CDH18: variants seen among roughly 807,000 people sequenced by gnomAD.
The protein encoded by CDH18 is cadherin-18.
In CDH18, 31 loss-of-function variants were observed where a neutral mutation model predicts 67.9. That is an observed-to-expected ratio of 0.46 (90% CI 0.34 to 0.62). The LOEUF (loss-of-function observed/expected upper bound fraction) is 0.62, where lower values mean the gene tolerates loss of function less well. CDH18 is among the 20% of genes least tolerant of loss of function. CDH18 has a pLI of 0.01. For missense variants in CDH18, 890 were observed against 975.5 expected, an observed-to-expected ratio of 0.91 and a Z score of 1.17; for synonymous variants, 362 against 347.2, an observed-to-expected ratio of 1.04 and a Z score of -0.48.
intron 1 of CDH18, among the ~76,000 whole-genome samples, chr5:20,287,649 C>T (rs933093323): frequency 2.0e-5 from 3 of 151,870 alleles, no homozygotes; most frequent in South Asian, 2.1e-4. Flanking sequence ...TACACACATA[C>T]ATTGAATCAT....
intron 1 of CDH18, among the ~76,000 whole-genome samples, chr5:20,380,194 G>C (rs1445878433): frequency 1.3e-5 from 2 of 152,082 alleles, no homozygotes; most frequent in Admixed American, 6.6e-5. Context: ...AATTGTGTTA[G>C]AAATTCATCT....
intron 2 of CDH18, among the ~76,000 whole-genome samples, chr5:19,994,774 G>GATGT (rs1561696211): frequency 5.3e-5 from 5 of 94,414 alleles, no homozygotes; most frequent in East Asian, 3.3e-4. Context: ...GAGAGAGAGA[G>GATGT]AGAGAGAGAG....
intron 8 of CDH18, among the ~76,000 whole-genome samples, chr5:19,569,070 A>G (rs978365754): frequency 6.6e-6 from 1 of 152,140 alleles, no homozygotes; most frequent in Non-Finnish European, 1.5e-5. Context: ...GTTTATTTTG[A>G]AATGCAAATT....
At chr5:19,666,780 T>C (rs1291186073) in intron 5 of CDH18, among the ~76,000 whole-genome samples, 1 of 152,056 alleles carries the variant, frequency 6.6e-6, no homozygotes, top group Non-Finnish European at 1.5e-5. Context: ...AGGGAAGAGA[T>C]TCAAGAAGTG....
intron 5 of CDH18, among the ~76,000 whole-genome samples, chr5:19,673,085 G>A (rs1204241627): frequency 6.6e-6 from 1 of 151,984 alleles, no homozygotes; most frequent in Non-Finnish European, 1.5e-5. Context: ...TGTGACATTA[G>A]TGAATTACTT....
chr5:19,641,632 A>G (rs1754010646), intron 5 of CDH18, among the ~76,000 whole-genome samples: 1 of 152,048 alleles, frequency 6.6e-6, no homozygotes, highest in Non-Finnish European at 1.5e-5. Flanking sequence ...GCATTTATTA[A>G]TCAGTAAAAT....
At chr5:19,886,556 T>G (rs919079936) in intron 2 of CDH18, among the ~76,000 whole-genome samples, 1 of 152,172 alleles carries the variant, frequency 6.6e-6, no homozygotes, top group Non-Finnish European at 1.5e-5. Flanking sequence ...TTTGCTGTGT[T>G]TCCTCGCAAT....
At chr5:20,204,274 G>A (rs1458568475) in intron 2 of CDH18, among the ~76,000 whole-genome samples, 2 of 151,604 alleles carry the variant, frequency 1.3e-5, no homozygotes, top group East Asian at 1.9e-4. Context: ...ATATAAAGGA[G>A]CTCCAATTCA....
Position 20,172,221 on chromosome 5 carries a change from T to TA in CDH18, c.-518+83222dup, listed in dbSNP as rs1338445626. Among the ~76,000 whole-genome samples the TA allele has an allele frequency of 6.0e-4, 47 of 78,332 alleles. 1 individual carries two copies. Among genetic ancestry groups the TA allele is most frequent in the African/African-American group, 2.5e-3 (45 of 17,934 alleles). 51.4% of individuals were successfully genotyped at this position (78,332 alleles called of 152,430 possible). A position where few individuals can be genotyped will look rare whatever the true frequency, so the allele number is the denominator to read the frequency against. On this transcript the variant is annotated intron_variant, in intron 2 of 14. Coordinates refer to the CDH18 transcript ENST00000507958. ...ATATATATATATATATATATATATA[T>TA]ATGTATATATATATATATGTATATA... is the stretch of plus-strand genomic sequence containing the variant.
Position 20,569,882 on chromosome 5 carries a change from A to AT in CDH18, c.-580+5579dup, listed in dbSNP as rs573140703. ...ATGAGCCCTCAAACCATAAAAAGAT[A>AT]TTGAAGCACTTTAAATGCATGTTGA... On this transcript the variant is annotated intron_variant, in intron 1 of 14. Transcript: ENST00000507958. 2.2e-3 allele frequency among the ~76,000 whole-genome samples: 331 copies of AT among 152,326 alleles called. 1 individual carries two copies. Among genetic ancestry groups the AT allele is most frequent in the African/African-American group, 7.5e-3 (312 of 41,564 alleles).
At chr5:20,462,774 A>T (rs751245459) in intron 1 of CDH18, among the ~76,000 whole-genome samples, 1 of 152,198 alleles carries the variant, frequency 6.6e-6, no homozygotes, top group Non-Finnish European at 1.5e-5. Flanking sequence ...CACAGATAAG[A>T]AATCTGAGAT....
At chr5:20,268,993 T>A (rs1479358572) in intron 1 of CDH18, among the ~76,000 whole-genome samples, 1 of 151,876 alleles carries the variant, frequency 6.6e-6, no homozygotes, top group African/African-American at 2.4e-5. Flanking sequence ...GGGATTAATA[T>A]CCACAATATA....
At position 20,463,099 on chromosome 5, in the gene CDH18, C is replaced by G. The variant is rs191300502; in HGVS notation, c.-580+112363G>C. ...CAGAAAATTCACTCATAATTGAATT[C>G]CATTCTGATTCGATCTTGTGCTTTT... On this transcript the variant is annotated intron_variant, in intron 1 of 14. Coordinates refer to the CDH18 transcript ENST00000507958. 1.7e-3 allele frequency among the ~76,000 whole-genome samples: 252 copies of G among 152,168 alleles called. 1 individual carries two copies. Among genetic ancestry groups the G allele is most frequent in the Non-Finnish European group, 2.5e-3 (173 of 68,000 alleles).
At chr5:20,305,241 T>C in intron 1 of CDH18, 1 of 1,375,884 alleles carries the variant, frequency 7.3e-7, no homozygotes, top group Non-Finnish European at 1.0e-6. Context: ...CAGGAAACCG[T>C]CCTCCTCCAG....
At position 20,338,958 on chromosome 5, in the gene CDH18, A is replaced by G. The variant is rs1000702907; in HGVS notation, c.-579-83453T>C. Among the ~76,000 whole-genome samples the G allele has an allele frequency of 2.6e-5, 4 of 152,076 alleles. No individual in the cohort carries two copies. The East Asian group carries it at 7.7e-4, about 29-fold the overall frequency. On this transcript the variant is annotated intron_variant, in intron 1 of 14. Transcript: ENST00000507958. ...GTGTGACTTCCCCTGTTGACTAGCT[A>G]CTCTGGATCCATAGGCAGTACTTAT...
At chr5:20,260,418 G>A (rs1744561403) in intron 1 of CDH18, among the ~76,000 whole-genome samples, 1 of 151,900 alleles carries the variant, frequency 6.6e-6, no homozygotes, top group Non-Finnish European at 1.5e-5. Flanking sequence ...TTACACTGAG[G>A]CCTCTTATAT....
rs1443309043 is a variant in CDH18 at position 19,827,354 on chromosome 5, T to C, written c.228+11405A>G. On this transcript the variant is annotated intron_variant, in intron 3 of 12. Transcript: ENST00000382275. Reference sequence around the variant, plus strand: ...AAAAAAAAAAAAAAACTTAAAATATTTGGGACCCAAACTTGACATTTGACC... The same window carrying C: ...AAAAAAAAAAAAAAACTTAAAATATCTGGGACCCAAACTTGACATTTGACC... Among the ~76,000 whole-genome samples the C allele has an allele frequency of 4.0e-5, 6 of 151,880 alleles. No individual in the cohort carries two copies. The East Asian group carries it at 1.2e-3, about 29-fold the overall frequency.
In CDH18 at chr5:20,124,577, C is replaced by G. The variant is rs370603084; in HGVS notation, c.-518+130867G>C. Among the ~76,000 whole-genome samples the G allele has an allele frequency of 6.3e-4, 96 of 152,264 alleles. No individual in the cohort carries two copies. In the South Asian group the frequency reaches 0.017, roughly 27 times the overall value. On this transcript the variant is annotated intron_variant, in intron 2 of 14. Transcript: ENST00000507958. The stretch of plus-strand genomic sequence containing the variant: ...CCCATACATTTTACTCTTTGTTAAG[C>G]TATGTTTGCATCCTCCTCCAACACT...
chr5:19,801,581 C>A lies in CDH18; in HGVS notation c.228+37178G>T, dbSNP rs116682425. 3.9e-3 allele frequency among the ~76,000 whole-genome samples: 593 copies of A among 152,284 alleles called. 1 individual carries two copies. Among genetic ancestry groups the A allele is most frequent in the African/African-American group, 0.014 (572 of 41,548 alleles). On this transcript the variant is annotated intron_variant, in intron 3 of 12. Coordinates refer to ENST00000382275, the MANE Select transcript of CDH18 (RefSeq NM_004934.5). ...TTTTTTAAAATCTCTTGATGTGATTCTATCATCCAAACAAGGTTGAAAACA... is the reference window on the plus strand; with the variant it reads ...TTTTTTAAAATCTCTTGATGTGATTATATCATCCAAACAAGGTTGAAAACA...
Sources: allele counts gnomAD v4.1 joint callset (sites outside exome capture counted in the v4.1 genomes callset), GRCh38; gene constraint gnomAD v4.1.1; transcripts MANE v1.5; gene names NCBI Gene and HGNC (gene_info 2026-07-23, HGNC 2026-07-21).